GNPTAB: variants seen among roughly 807,000 people sequenced by gnomAD.
GNPTAB encodes N-acetylglucosamine-1-phosphate transferase subunits alpha and beta.
In GNPTAB, 92 loss-of-function variants were observed where a neutral mutation model predicts 136.6. The ratio of observed to expected loss-of-function variants is 0.67; its 90% CI spans 0.57 to 0.80. The LOEUF is 0.80. Ranked by LOEUF, GNPTAB falls within the 30% of genes least tolerant of loss-of-function variation. The pLI is 0.00. For missense variants in GNPTAB, 1,343 were observed against 1,501.8 expected (o/e 0.89, Z 1.75); for synonymous variants, 512 against 535.1 (o/e 0.96, Z 0.60).
chr12:101,795,538 A>G (rs996854343), intron 2 of GNPTAB, among the ~76,000 whole-genome samples: 3 of 152,148 alleles, frequency 2.0e-5, no homozygotes, highest in Non-Finnish European at 4.4e-5. Flanking sequence ...GGATCACCTG[A>G]GGTCAGGAGT....
chr12:101,749,882 C>T (rs1952790834), intron 19 of GNPTAB, among the ~76,000 whole-genome samples: 1 of 152,218 alleles, frequency 6.6e-6, no homozygotes, highest in African/African-American at 2.4e-5. Context: ...AGCTGCTTTG[C>T]AAAACCACAC....
chr12:101,762,270 G>A (rs1025135674), intron 13 of GNPTAB, among the ~76,000 whole-genome samples: 2 of 152,098 alleles, frequency 1.3e-5, no homozygotes, highest in African/African-American at 4.8e-5. Context: ...AATAGGCAAA[G>A]AAAATTGGCA....
At position 101,757,581 on chromosome 12, in the gene GNPTAB, T is replaced by G; in HGVS notation, c.3326A>C (p.Asn1109Thr). 6.6e-7 allele frequency: 1 copy of G among 1,508,636 alleles called. No individual in the cohort carries two copies. Among genetic ancestry groups the G allele is most frequent in the East Asian group, 2.3e-5 (1 of 44,280 alleles). The allele number at this position is 1,508,636 out of a possible 1,614,324, so 93.5% of individuals were successfully genotyped here. ...TGCGTGTACTACTTACCTATATTTG[T>G]TTTTGTCCTTATATGCTTTGTGGAT... The part of the protein sequence containing the change: ...DKIHKAYKDK[N>T]KYRFEIMGEE... Residue 1109 changes from asparagine (N) to threonine (T), a missense_variant, in exon 17 of 21, where the codon AAC (asparagine) becomes ACC (threonine). Transcript: ENST00000299314.
At chr12:101,795,057 C>T (rs1184474288) in intron 2 of GNPTAB, among the ~76,000 whole-genome samples, 1 of 152,166 alleles carries the variant, frequency 6.6e-6, no homozygotes, top group Non-Finnish European at 1.5e-5. Context: ...AAATGTTAAT[C>T]AATTTAGAAC....
At chr12:101,784,755 G>T (rs1277473350) in intron 5 of GNPTAB, among the ~76,000 whole-genome samples, 1 of 152,122 alleles carries the variant, frequency 6.6e-6, no homozygotes, top group Non-Finnish European at 1.5e-5. Flanking sequence ...GTCAAAGATG[G>T]TTCCAAAGAT....
At chr12:101,778,336 C>T (rs1953289288) in intron 7 of GNPTAB, 1 of 152,152 alleles carries the variant, frequency 6.6e-6, no homozygotes, top group Admixed American at 6.6e-5. Flanking sequence ...TAAATAGAAT[C>T]AAGAATGCCA....
intron 1 of GNPTAB, among the ~76,000 whole-genome samples, chr12:101,799,732 CTT>C (rs386765817): frequency 0.64 from 96,893 of 151,804 alleles, 32,295 homozygotes; most frequent in East Asian, 0.92. Flanking sequence ...CCAGTAAGTA[CTT>C]CTATTAAAGT....
At chr12:101,814,744 T>G (rs891810870) in intron 1 of GNPTAB, among the ~76,000 whole-genome samples, 10 of 152,090 alleles carry the variant, frequency 6.6e-5, no homozygotes, top group Admixed American at 1.3e-4. Flanking sequence ...CATTACAGAT[T>G]AACATATTTC....
At chr12:101,780,071 G>T in intron 7 of GNPTAB, 81 bp downstream of exon 7, 1 of 1,379,870 alleles carries the variant, frequency 7.2e-7, no homozygotes, top group Non-Finnish European at 1.0e-6. Context: ...AACTTTGGGG[G>T]AAAAAAATGG....
At chr12:101,803,766 T>TA (rs1465290448) in intron 1 of GNPTAB, among the ~76,000 whole-genome samples, 1 of 152,238 alleles carries the variant, frequency 6.6e-6, no homozygotes, top group Non-Finnish European at 1.5e-5. Context: ...GTGTAGCTTT[T>TA]AAATGAGTAC....
intron 13 of GNPTAB, among the ~76,000 whole-genome samples, chr12:101,762,889 T>C (rs1015482711): frequency 7.1e-6 from 1 of 140,748 alleles, no homozygotes; most frequent in African/African-American, 2.7e-5. Flanking sequence ...TAGCCTATAA[T>C]GCTTTTGTAA....
chr12:101,826,950 G>GTTTTT (rs902178707), intron 1 of GNPTAB, among the ~76,000 whole-genome samples: 22 of 62,354 alleles, frequency 3.5e-4, no homozygotes, highest in Non-Finnish European at 3.9e-4. Flanking sequence ...TGTGGGAGTT[G>GTTTTT]TTTTTTTTTT....
chr12:101,748,043 G>A (rs1314084329), intron 20 of GNPTAB, among the ~76,000 whole-genome samples: 2 of 152,132 alleles, frequency 1.3e-5, no homozygotes, highest in Non-Finnish European at 2.9e-5. Context: ...CAGCACAGCA[G>A]ACTCAAAGGT....
At chr12:101,767,058 T>C (rs1953105393) in intron 11 of GNPTAB, among the ~76,000 whole-genome samples, 2 of 152,226 alleles carry the variant, frequency 1.3e-5, no homozygotes, top group South Asian at 2.1e-4. Flanking sequence ...ATCTGTATTC[T>C]CTCTCCTCAG....
In GNPTAB at chr12:101,746,464, A is replaced by C. The variant is rs1412615542; in HGVS notation, c.*700T>G. On this transcript the variant is annotated 3_prime_UTR_variant, in exon 21 of 21. Transcript: ENST00000299314. ...AGTAGTACTAACTCTAGCCCTTTGAAATTAGACCTGCACGTGAAATCATAG... is the reference window on the plus strand; with the variant it reads ...AGTAGTACTAACTCTAGCCCTTTGACATTAGACCTGCACGTGAAATCATAG... 1 of 152,356 alleles carries C rather than the reference A, an allele frequency of 6.6e-6. No homozygotes were observed. Among genetic ancestry groups the C allele is most frequent in the East Asian group, 1.9e-4 (1 of 5,202 alleles). The allele number at this position is 152,356 out of a possible 1,614,324, so 9.4% of individuals were successfully genotyped here.
chr12:101,780,371 T>C lies in GNPTAB; in HGVS notation c.637-85A>G, dbSNP rs1020404073. On this transcript the variant is annotated intron_variant, in intron 6 of 20. Transcript: ENST00000299314. ...AGCTGAGAAAACTGGTAAAGATCTATTGCATCACAACACAAGCTTCAAAAT... is the reference window on the plus strand; with the variant it reads ...AGCTGAGAAAACTGGTAAAGATCTACTGCATCACAACACAAGCTTCAAAAT... The C allele has an allele frequency of 8.0e-5, 112 of 1,397,452 alleles. No individual in the cohort carries two copies. The South Asian group carries it at 1.2e-3, about 15-fold the overall frequency. The allele number at this position is 1,397,452 out of a possible 1,614,324, so 86.6% of individuals were successfully genotyped here.
chr12:101,759,177 C>T (rs1257630123), intron 16 of GNPTAB, among the ~76,000 whole-genome samples: 1 of 152,006 alleles, frequency 6.6e-6, no homozygotes, highest in East Asian at 1.9e-4. Flanking sequence ...TCCTGGCTAA[C>T]ACGGTGAAAC....
intron 1 of GNPTAB, among the ~76,000 whole-genome samples, chr12:101,823,469 G>A (rs149643085): frequency 6.1e-4 from 93 of 152,174 alleles, no homozygotes; most frequent in African/African-American, 2.1e-3. Context: ...AATTAGCCAG[G>A]TGTTGTGGTG....
At position 101,759,070 on chromosome 12, in the gene GNPTAB, A is replaced by G. The variant is rs374094226; in HGVS notation, c.3249+960T>C. 1.3e-4 allele frequency among the ~76,000 whole-genome samples: 20 copies of G among 152,308 alleles called. No homozygotes were observed. The East Asian group carries it at 2.7e-3, about 21-fold the overall frequency. On this transcript the variant is annotated intron_variant, in intron 16 of 20. Coordinates refer to ENST00000299314, the MANE Select transcript of GNPTAB (RefSeq NM_024312.5). Reference sequence around the variant, plus strand: ...TATTTTCTCCACCTAATTTTATTATATAAGAATTTTTCGCTGGGTGCAGTG... The same window carrying G: ...TATTTTCTCCACCTAATTTTATTATGTAAGAATTTTTCGCTGGGTGCAGTG...
Sources: gnomAD v4.1 joint callset for allele counts (sites outside exome capture counted in the v4.1 genomes callset) on GRCh38, gnomAD v4.1.1 for gene constraint, MANE v1.5 for transcripts, NCBI Gene and HGNC (gene_info 2026-07-23, HGNC 2026-07-21) for gene names.